The following PHEX variants were observed in gnomAD, a reference collection of about 807,000 sequenced individuals.
The protein encoded by PHEX is phosphate regulating endopeptidase X-linked, also known as phosphate-regulating neutral endopeptidase PHEX.
In PHEX, 16 loss-of-function variants were observed where a neutral mutation model predicts 68.0. The ratio of observed to expected loss-of-function variants is 0.24; its 90% CI spans 0.16 to 0.36. The LOEUF (loss-of-function observed/expected upper bound fraction) is 0.36. Among genes scored for constraint, PHEX ranks in the 10% least tolerant of loss-of-function variants. PHEX has a pLI of 1.00. For synonymous variants in PHEX, 208 were observed against 205.1 expected (o/e 1.01, Z -0.12); for missense variants, 480 against 575.5 (o/e 0.83, Z 1.70).
chrX:22,230,989 G>T (rs772621070), intron 20 of PHEX, among the ~76,000 whole-genome samples: 1 of 111,858 alleles, frequency 8.9e-6, no homozygotes, highest in African/African-American at 3.3e-5. Flanking sequence ...TAGCATCAAG[G>T]GGTGTTGAAT....
At chrX:22,106,732 C>G (rs1374527596) in intron 9 of PHEX, among the ~76,000 whole-genome samples, 1 of 102,089 alleles carries the variant, frequency 9.8e-6, no homozygotes, top group Non-Finnish European at 2.0e-5. Context: ...TGAGATTGTG[C>G]CATTACACTC....
intron 14 of PHEX, 147 bp from the exon 15 acceptor site, chrX:22,190,297 A>T (rs886564581): frequency 3.6e-6 from 2 of 555,306 alleles, no homozygotes; most frequent in African/African-American, 2.2e-5. Context: ...AGTAGCCCCA[A>T]ACTGAGGGAA....
chrX:22,176,666 G>T (rs766870204), intron 13 of PHEX, among the ~76,000 whole-genome samples: 8 of 110,123 alleles, frequency 7.3e-5, no homozygotes, highest in African/African-American at 2.6e-4. Flanking sequence ...CTTGAGTTCA[G>T]TCTTATTATT....
At chrX:22,034,209 A>G (rs1207608084) in intron 1 of PHEX, among the ~76,000 whole-genome samples, 1 of 112,056 alleles carries the variant, frequency 8.9e-6, no homozygotes, top group East Asian at 2.8e-4. Flanking sequence ...GGGTTTAAAC[A>G]AGGGTCCTCT....
At chrX:22,043,708 CAG>C (rs1248214813) in intron 2 of PHEX, among the ~76,000 whole-genome samples, 2 of 111,671 alleles carry the variant, frequency 1.8e-5, no homozygotes, top group African/African-American at 6.5e-5. Context: ...AATCTAAAAA[CAG>C]AGGCTGGTAT....
chrX:22,041,808 A>T (rs995341442), intron 2 of PHEX, among the ~76,000 whole-genome samples: 11 of 111,309 alleles, frequency 9.9e-5, no homozygotes, highest in African/African-American at 3.6e-4. Context: ...CACTTATTTC[A>T]TGAGTTTTAG....
intron 12 of PHEX, among the ~76,000 whole-genome samples, chrX:22,137,754 G>A (rs969470045): frequency 1.8e-4 from 20 of 111,658 alleles, no homozygotes; most frequent in Non-Finnish European, 3.0e-4. Flanking sequence ...ATTCTGCTGC[G>A]TGAAAAGGGT....
intron 5 of PHEX, among the ~76,000 whole-genome samples, chrX:22,078,150 A>G (rs992772309): frequency 8.0e-5 from 9 of 112,031 alleles, no homozygotes; most frequent in African/African-American, 2.9e-4. Context: ...TTAGTTATCA[A>G]CTTCACTCTG....
rs750196427 is a variant in PHEX at position 22,098,226 on chromosome X, C to T, written c.934-780C>T. Among the ~76,000 whole-genome samples, 4 of 105,707 alleles carry T rather than the reference C, an allele frequency of 3.8e-5. No homozygotes were observed. The East Asian group carries it at 1.2e-3, about 31-fold the overall frequency. 91.8% of individuals were successfully genotyped at this position (105,707 alleles called of 115,157 possible). A position where few individuals can be genotyped will look rare whatever the true frequency, so the allele number is the denominator to read the frequency against. On this transcript the variant is annotated intron_variant, in intron 8 of 21. Transcript: ENST00000379374. ...GGAGGGAGGGAGAGAGAAAATGTAC[C>T]GTATAGAGGAAGAATTTAGAAGGAG...
At chrX:22,040,848 T>C (rs1927243741) in intron 2 of PHEX, among the ~76,000 whole-genome samples, 1 of 110,068 alleles carries the variant, frequency 9.1e-6, no homozygotes. Flanking sequence ...CTTAGGAGCA[T>C]TTCAAAAGAT....
intron 14 of PHEX, among the ~76,000 whole-genome samples, chrX:22,188,345 T>C (rs1338363439): frequency 2.7e-5 from 3 of 111,807 alleles, no homozygotes; most frequent in Non-Finnish European, 5.6e-5. Context: ...TGGAACTATA[T>C]TTGCATGCCA....
At position 22,247,868 on chromosome X, in the gene PHEX, G is replaced by A; in HGVS notation, c.2165G>A (p.Ser722Asn). 2.5e-6 allele frequency: 3 copies of A among 1,204,889 alleles called. No individual in the cohort carries two copies. The highest frequency in any genetic ancestry group is 3.4e-6 in the Non-Finnish European group (3 of 889,303). The change falls in exon 22 of 22, where the codon AGT becomes AAT. Residue 722 changes from serine to asparagine, a missense_variant. Transcript: ENST00000379374. Reference sequence around the variant, plus strand: ...TTTTTCAGGGTCAATGGTGCAATTAGTAACTTTGAAGAATTCCAGAAAGCT... The same window carrying A: ...TTTTTCAGGGTCAATGGTGCAATTAATAACTTTGAAGAATTCCAGAAAGCT... ...PPQFRVNGAI[S>N]NFEEFQKAFN...
chrX:22,072,441 A>C (rs148823545), intron 3 of PHEX, among the ~76,000 whole-genome samples: 2,360 of 111,637 alleles, frequency 0.021, 24 homozygotes, highest in Middle Eastern at 0.032. Context: ...TAAAATGTAG[A>C]CTATCTTCAT....
rs1222771440 is a variant in PHEX at position 22,249,453 on chromosome X, A to ATATATATATATATAT, written c.*1500_*1501insTATATATATATATAT. ...ATTTGTGATTCTTTTAAAAAAAAAA[A>ATATATATATATATAT]AAATATATATATATATATATATATA... On this transcript the variant is annotated 3_prime_UTR_variant, in exon 22 of 22. Transcript: ENST00000379374. 15 of 28,031 alleles carry ATATATATATATATAT rather than the reference A, an allele frequency of 5.4e-4. No homozygotes were observed. Among genetic ancestry groups the ATATATATATATATAT allele is most frequent in the African/African-American group, 2.7e-3 (13 of 4,821 alleles). The allele number at this position is 28,031 out of a possible 1,213,427, so 2.3% of individuals were successfully genotyped here. A position where few individuals can be genotyped will look rare whatever the true frequency, so the allele number is the denominator to read the frequency against.
intron 16 of PHEX, among the ~76,000 whole-genome samples, chrX:22,218,044 G>A (rs1230745887): frequency 1.8e-5 from 2 of 109,641 alleles, no homozygotes; most frequent in Non-Finnish European, 3.8e-5. Flanking sequence ...GAGTGAAGGC[G>A]ACCTCACTCA....
At chrX:22,142,915 C>G (rs907248021) in intron 12 of PHEX, among the ~76,000 whole-genome samples, 1 of 112,491 alleles carries the variant, frequency 8.9e-6, no homozygotes, top group Non-Finnish European at 1.9e-5. Flanking sequence ...ACTGGGTTCT[C>G]ATTTTTCTGA....
At chrX:22,092,749 C>CTTTTTTT (rs370527485) in intron 6 of PHEX, among the ~76,000 whole-genome samples, 1,657 of 77,648 alleles carry the variant, frequency 0.021, 136 homozygotes, top group African/African-American at 0.08. Context: ...TTCTTTCTTT[C>CTTTTTTT]TTTTTTTTTT....
At chrX:22,203,584 A>C (rs1316429137) in intron 15 of PHEX, among the ~76,000 whole-genome samples, 2 of 111,310 alleles carry the variant, frequency 1.8e-5, no homozygotes, top group Non-Finnish European at 3.8e-5. Flanking sequence ...AATTGCAGCA[A>C]TTTCCATGTC....
At chrX:22,096,563 G>A (rs1450124944) in intron 7 of PHEX, among the ~76,000 whole-genome samples, 2 of 112,040 alleles carry the variant, frequency 1.8e-5, no homozygotes, top group East Asian at 2.8e-4. Flanking sequence ...CCCTAGAGGT[G>A]AAGGGATGGT....
Sources: allele counts gnomAD v4.1 joint callset (sites outside exome capture counted in the v4.1 genomes callset), GRCh38; gene constraint gnomAD v4.1.1; transcripts MANE v1.5; gene names NCBI Gene and HGNC (gene_info 2026-07-23, HGNC 2026-07-21).